THRA: variants seen among roughly 807,000 people sequenced by gnomAD.
The protein encoded by THRA is EAR-7.
In THRA, 13 loss-of-function variants were observed where a neutral mutation model predicts 45.0. The ratio of observed to expected loss-of-function variants is 0.29; its 90% CI spans 0.19 to 0.46. The LOEUF (loss-of-function observed/expected upper bound fraction) is 0.46. THRA is among the 20% of genes least tolerant of loss of function. The pLI is 1.00. For synonymous variants in THRA, 195 were observed against 214.0 expected (o/e 0.91, Z 0.78); for missense variants, 278 against 556.1 (o/e 0.50, Z 5.03).
chr17:40,078,124 C>T (rs1225000549), intron 4 of THRA, among the ~76,000 whole-genome samples: 1 of 152,244 alleles, frequency 6.6e-6, no homozygotes, highest in African/African-American at 2.4e-5. Flanking sequence ...TAATCATTCT[C>T]TCTACCTTAT....
intron 6 of THRA, among the ~76,000 whole-genome samples, chr17:40,085,282 A>C (rs1473400751): frequency 6.6e-6 from 1 of 152,028 alleles, no homozygotes; most frequent in Non-Finnish European, 1.5e-5. Flanking sequence ...GGATCGCTTG[A>C]GCCCAGGAGT....
At chr17:40,081,522 C>G (rs1360018728) in intron 4 of THRA, among the ~76,000 whole-genome samples, 1 of 152,054 alleles carries the variant, frequency 6.6e-6, no homozygotes, top group African/African-American at 2.4e-5. Flanking sequence ...CTGCCTCAGC[C>G]TCCCAGAGTG....
At chr17:40,084,908 A>G (rs557050736) in intron 6 of THRA, 93 bp downstream of exon 6, 1 of 1,417,188 alleles carries the variant, frequency 7.1e-7, no homozygotes, top group African/African-American at 1.4e-5. Context: ...AAGTCTTCTT[A>G]GTGTAATCCA....
At chr17:40,066,587 C>T (rs1348715580) in intron 1 of THRA, among the ~76,000 whole-genome samples, 3 of 150,502 alleles carry the variant, frequency 2.0e-5, no homozygotes, top group Non-Finnish European at 4.4e-5. Flanking sequence ...TCGCTTGAAC[C>T]CAGGAGGTGG....
At chr17:40,081,658 G>A (rs924506689) in intron 4 of THRA, among the ~76,000 whole-genome samples, 1 of 151,986 alleles carries the variant, frequency 6.6e-6, no homozygotes, top group African/African-American at 2.4e-5. Flanking sequence ...GAGTTTTGAG[G>A]TGTTTCCTTT....
chr17:40,076,201 C>T (rs368575007), intron 2 of THRA, among the ~76,000 whole-genome samples: 1 of 152,170 alleles, frequency 6.6e-6, no homozygotes. Flanking sequence ...CAGTTTGCTG[C>T]TCTGTTAAAT....
At chr17:40,093,660 T>A (rs1043966814), downstream of THRA, 3 of 645,396 alleles carry the variant, frequency 4.6e-6, no homozygotes, top group Non-Finnish European at 7.9e-6. The surrounding 1 kb of genome is among the most constrained non-coding windows in gnomAD (Gnocchi z 5.9). Flanking sequence ...AAGTGTCACC[T>A]CCTTCCCCAG....
Position 40,089,810 on chromosome 17 carries a change from A to AGATGCCC in THRA, c.*355_*361dup. 1 of 1,136,104 alleles carries AGATGCCC rather than the reference A, an allele frequency of 8.8e-7. No homozygotes were observed. The highest frequency in any genetic ancestry group is 1.1e-6 in the Non-Finnish European group (1 of 919,160). 70.4% of individuals were successfully genotyped at this position (1,136,104 alleles called of 1,614,324 possible). A position where few individuals can be genotyped will look rare whatever the true frequency, so the allele number is the denominator to read the frequency against. The stretch of plus-strand genomic sequence containing the variant: ...GGAAGGAGGAATGTGGGCTGGGGGA[A>AGATGCCC]GATGCCCTCAACTCACCCCCTACAC... On this transcript the variant is annotated 3_prime_UTR_variant, in exon 9 of 9. Transcript: ENST00000450525. This position sits in a 1 kb window ranked among gnomAD's most constrained non-coding sequence, Gnocchi z 6.1.
chr17:40,089,173 C>T lies in THRA; in HGVS notation c.983-33C>T, dbSNP rs1184046486. ...TCCCCATCTCCAGGCCTTCGGCCAG[C>T]CCCTCGCCCCTCACGCCCCTCTTCC... On this transcript the variant is annotated intron_variant, in intron 8 of 8. Coordinates refer to ENST00000450525, the MANE Select transcript of THRA (RefSeq NM_199334.5). The surrounding 1 kb of genome is among the most constrained non-coding windows in gnomAD (Gnocchi z 6.1). 3 of 1,605,222 alleles carry T rather than the reference C, an allele frequency of 1.9e-6. No individual in the cohort carries two copies. Among genetic ancestry groups the T allele is most frequent in the Non-Finnish European group, 2.6e-6 (3 of 1,174,182 alleles).
At chr17:40,077,311 CAGAA>C (rs1361351260) in intron 3 of THRA, among the ~76,000 whole-genome samples, 193 bp from the exon 4 acceptor site, 1 of 152,174 alleles carries the variant, frequency 6.6e-6, no homozygotes, top group Admixed American at 6.5e-5. Context: ...AATGGGCAGT[CAGAA>C]GAACTGAGAT....
chr17:40,084,726 G>C lies in THRA; in HGVS notation c.487G>C (p.Glu163Gln). ...GCAGCAGCGACCAGAGCCCACTCCT[G>C]AAGAGTGGGATCTGATCCACATTGC... ...SLQQRPEPTP[E>Q]EWDLIHIATE... The change falls in exon 6 of 9, where the codon GAA (glutamate) becomes CAA (glutamine). Residue 163 changes from glutamate (E) to glutamine (Q), a missense_variant. Around this residue, in one of 6 missense-constraint regions of THRA, gnomAD observed 111 missense variants for 167.1 expected, o/e 0.66. Coordinates refer to ENST00000450525, the MANE Select transcript of THRA (RefSeq NM_199334.5). The C allele has an allele frequency of 6.2e-7, 1 of 1,614,106 alleles. No individual in the cohort carries two copies. Among genetic ancestry groups the C allele is most frequent in the Non-Finnish European group, 8.5e-7 (1 of 1,180,026 alleles).
chr17:40,080,434 C>T (rs1029670240), intron 4 of THRA, among the ~76,000 whole-genome samples: 4 of 150,554 alleles, frequency 2.7e-5, no homozygotes, highest in African/African-American at 7.4e-5. Flanking sequence ...AAAAAAAAAA[C>T]GGAAAAAAAG....
chr17:40,079,493 C>T lies in THRA; in HGVS notation c.222+1885C>T, dbSNP rs555325979. ...CTCCTGACCTCAGGTGATCTGCCTG[C>T]CTCTGCATCCCAAAGTGCTTAAGAG... On this transcript the variant is annotated intron_variant, in intron 4 of 8. Transcript: ENST00000450525. Among the ~76,000 whole-genome samples the T allele has an allele frequency of 2.0e-5, 3 of 152,284 alleles. No homozygotes were observed. The South Asian group carries it at 6.2e-4, about 32-fold the overall frequency.
intron 1 of THRA, among the ~76,000 whole-genome samples, chr17:40,069,377 C>G (rs775638564): frequency 6.6e-6 from 1 of 150,988 alleles, no homozygotes; most frequent in Non-Finnish European, 1.5e-5. Context: ...GAACATCCCT[C>G]CCTTTCTTTC....
chr17:40,084,437 A>G, intron 5 of THRA, 173 bp from the exon 6 acceptor site: 1 of 678,064 alleles, frequency 1.5e-6, no homozygotes, highest in Admixed American at 2.6e-5. Flanking sequence ...GGTCCCGGGG[A>G]TTAATCATGA....
chr17:40,092,290 A>G lies in THRA; in HGVS notation c.*2834A>G, dbSNP rs942779444. The stretch of plus-strand genomic sequence containing the variant: ...GAGAGAGACCGTCCATAAGGAGGAC[A>G]GTAACTCCTGCCCTGGGAACTCCTG... On this transcript the variant is annotated 3_prime_UTR_variant, in exon 9 of 9. Transcript: ENST00000450525. 7.2e-6 allele frequency: 1 copy of G among 139,084 alleles called. No homozygotes were observed. Among genetic ancestry groups the G allele is most frequent in the Non-Finnish European group, 1.6e-5 (1 of 64,178 alleles). The allele number at this position is 139,084 out of a possible 1,614,324, so 8.6% of individuals were successfully genotyped here.
chr17:40,076,782 A>AG, intron 2 of THRA, 89 bp from the exon 3 acceptor site: 1 of 1,355,552 alleles, frequency 7.4e-7, no homozygotes, highest in East Asian at 2.3e-5. Flanking sequence ...GGAAAGAATC[A>AG]GGCCTTGGGG....
In THRA at chr17:40,074,206, G is replaced by A. The variant is rs1986871387; in HGVS notation, c.-283G>A. On this transcript the variant is annotated 5_prime_UTR_variant, in exon 2 of 9. Coordinates refer to ENST00000450525, the MANE Select transcript of THRA (RefSeq NM_199334.5). Reference sequence around the variant, plus strand: ...TCTCTCCACAGGGATCTCTGGACAGGACAAGACTCCGAAGCTACTCCCCCA... The same window carrying A: ...TCTCTCCACAGGGATCTCTGGACAGAACAAGACTCCGAAGCTACTCCCCCA... The A allele has an allele frequency of 2.1e-6, 1 of 475,404 alleles. No individual in the cohort carries two copies. Among genetic ancestry groups the A allele is most frequent in the Non-Finnish European group, 3.9e-6 (1 of 257,104 alleles). 29.4% of individuals were successfully genotyped at this position (475,404 alleles called of 1,614,324 possible).
chr17:40,070,069 A>T (rs939301505), intron 1 of THRA, among the ~76,000 whole-genome samples: 3 of 151,870 alleles, frequency 2.0e-5, no homozygotes, highest in African/African-American at 4.8e-5. Context: ...TCTCCCCCTT[A>T]TGAGGATCCC....
Sources: allele counts gnomAD v4.1 joint callset (sites outside exome capture counted in the v4.1 genomes callset), GRCh38; gene constraint gnomAD v4.1.1; regional missense constraint gnomAD v4.1.1; non-coding constraint Gnocchi (gnomAD v3.1); transcripts MANE v1.5; gene names NCBI Gene and HGNC (gene_info 2026-07-23, HGNC 2026-07-21).